The following CTNND2 variants were observed in gnomAD, a reference collection of about 807,000 sequenced individuals.
The protein encoded by CTNND2 is catenin delta-2.
Under a neutral mutation model 144.4 loss-of-function variants are expected in CTNND2, and 22 were observed. The observed-to-expected ratio is 0.15, with a 90% CI of 0.11 to 0.22. The LOEUF (loss-of-function observed/expected upper bound fraction) is 0.22. Ranked by LOEUF, CTNND2 falls within the 10% of genes least tolerant of loss-of-function variation. The pLI is 1.00. For synonymous variants in CTNND2, 751 were observed against 695.6 expected, an observed-to-expected ratio of 1.08 and a Z score of -1.25; for missense variants, 1,353 against 1,618.8, an observed-to-expected ratio of 0.84 and a Z score of 2.82.
At position 11,366,131 on chromosome 5, in the gene CTNND2, C is replaced by T. The variant is rs61750660; in HGVS notation, c.1178-1241G>A. ...TCCATTTTGCCTTCCTCAAGGACCA[C>T]TTCAAAGCCAAAGTCTTCAAATGCT... On this transcript the variant is annotated intron_variant, in intron 7 of 21. Transcript: ENST00000304623. 4.4e-3 allele frequency among the ~76,000 whole-genome samples: 671 copies of T among 152,236 alleles called. 6 individuals carry two copies. Among genetic ancestry groups the T allele is most frequent in the African/African-American group, 0.015 (638 of 41,534 alleles).
intron 2 of CTNND2, among the ~76,000 whole-genome samples, chr5:11,605,874 A>C (rs1780017850): frequency 6.6e-6 from 1 of 152,194 alleles, no homozygotes; most frequent in Admixed American, 6.5e-5. Flanking sequence ...TTACTCAGTC[A>C]AACATTCACT....
chr5:11,880,304 G>T lies in CTNND2; in HGVS notation c.37+23513C>A, dbSNP rs111654576. 1.9e-3 allele frequency among the ~76,000 whole-genome samples: 287 copies of T among 152,078 alleles called. 2 individuals are homozygous for T. The highest frequency in any genetic ancestry group is 6.2e-3 in the African/African-American group (256 of 41,484). On this transcript the variant is annotated intron_variant, in intron 1 of 21. Coordinates refer to ENST00000304623, the MANE Select transcript of CTNND2 (RefSeq NM_001332.4). ...TATGTGAAATATTCCATAATAAACG[G>T]AAAACAAAAGTTCTGTAAGAGTTCA...
intron 9 of CTNND2, among the ~76,000 whole-genome samples, chr5:11,306,379 A>T (rs942924587): frequency 6.6e-6 from 1 of 152,228 alleles, no homozygotes; most frequent in African/African-American, 2.4e-5. Context: ...TCTTTGCAAC[A>T]AATTAAAAGT....
intron 2 of CTNND2, among the ~76,000 whole-genome samples, chr5:11,632,539 G>T (rs922299617): frequency 6.6e-6 from 1 of 152,146 alleles, no homozygotes. Flanking sequence ...TATCTAAAAT[G>T]TGCAGCTTTC....
At chr5:11,512,162 C>T (rs1037630627) in intron 3 of CTNND2, among the ~76,000 whole-genome samples, 2 of 152,172 alleles carry the variant, frequency 1.3e-5, no homozygotes, top group African/African-American at 4.8e-5. Context: ...AAGAACAACA[C>T]AGTGTTTGCT....
At chr5:11,548,448 T>C (rs1411467804) in intron 3 of CTNND2, among the ~76,000 whole-genome samples, 5 of 152,252 alleles carry the variant, frequency 3.3e-5, no homozygotes, top group African/African-American at 1.2e-4. Flanking sequence ...TGCTACTATC[T>C]TAAAATATAA....
intron 12 of CTNND2, among the ~76,000 whole-genome samples, chr5:11,134,938 C>T (rs28483369): frequency 0.021 from 3,133 of 152,262 alleles, 102 homozygotes; most frequent in African/African-American, 0.072. Flanking sequence ...CTTTGAGGAG[C>T]CACAGAGCAT....
At chr5:11,892,389 A>G (rs1380838783) in intron 1 of CTNND2, among the ~76,000 whole-genome samples, 3 of 152,248 alleles carry the variant, frequency 2.0e-5, no homozygotes, top group Non-Finnish European at 4.4e-5. Context: ...CTATGCTGAC[A>G]GTAAACATGA....
intron 2 of CTNND2, among the ~76,000 whole-genome samples, chr5:11,640,637 A>G (rs1052098292): frequency 6.6e-6 from 1 of 152,214 alleles, no homozygotes; most frequent in Non-Finnish European, 1.5e-5. Context: ...TAGCAGCATC[A>G]AGGGAAGGCC....
intron 16 of CTNND2, among the ~76,000 whole-genome samples, chr5:11,056,929 C>T (rs1010308797): frequency 5.3e-5 from 8 of 152,312 alleles, no homozygotes; most frequent in South Asian, 2.1e-4. Flanking sequence ...CTGGTCAGGG[C>T]CAGTGTCACT....
chr5:11,489,340 C>A (rs756682051), intron 3 of CTNND2, among the ~76,000 whole-genome samples: 3 of 152,180 alleles, frequency 2.0e-5, no homozygotes, highest in Non-Finnish European at 2.9e-5. Flanking sequence ...CTTATACCCT[C>A]TGAGATTCAG....
chr5:11,766,018 A>G (rs796404792), intron 1 of CTNND2, among the ~76,000 whole-genome samples: 6 of 152,310 alleles, frequency 3.9e-5, no homozygotes, highest in African/African-American at 1.4e-4. Flanking sequence ...GTAATGTTCA[A>G]TTTTGGGAAA....
At chr5:11,461,005 T>C (rs1459422852) in intron 3 of CTNND2, among the ~76,000 whole-genome samples, 3 of 151,826 alleles carry the variant, frequency 2.0e-5, no homozygotes, top group Non-Finnish European at 4.4e-5. Flanking sequence ...GCCGAGATCA[T>C]GCCACTGCAT....
intron 1 of CTNND2, among the ~76,000 whole-genome samples, chr5:11,804,293 A>C (rs553949042): frequency 9.8e-5 from 15 of 152,324 alleles, no homozygotes; most frequent in Admixed American, 9.2e-4. Context: ...ACTGTTTGGC[A>C]GCTGCTTTAG....
chr5:11,359,495 G>A (rs370063361), intron 8 of CTNND2, among the ~76,000 whole-genome samples: 1 of 152,126 alleles, frequency 6.6e-6, no homozygotes, highest in Non-Finnish European at 1.5e-5. Context: ...CTCTCCGGGA[G>A]CTCTGTTGAC....
chr5:11,886,778 C>T (rs974898702), intron 1 of CTNND2, among the ~76,000 whole-genome samples: 1 of 152,036 alleles, frequency 6.6e-6, no homozygotes, highest in Non-Finnish European at 1.5e-5. Context: ...AGTAATTACA[C>T]ATTTTTGGCC....
At chr5:11,780,790 G>A (rs1366096905) in intron 1 of CTNND2, among the ~76,000 whole-genome samples, 2 of 152,152 alleles carry the variant, frequency 1.3e-5, no homozygotes, top group African/African-American at 2.4e-5. Context: ...CTTAAAATAG[G>A]TGATGCTTTT....
intron 16 of CTNND2, among the ~76,000 whole-genome samples, chr5:11,032,404 A>ACTATAAATATATCT (rs1743575409): frequency 6.6e-6 from 1 of 152,238 alleles, no homozygotes; most frequent in African/African-American, 2.4e-5. Context: ...TCATTTGCAC[A>ACTATAAATATATCT]CTATAAATAT....
Position 11,323,452 on chromosome 5 carries a change from T to A in CTNND2, c.1628+22920A>T, listed in dbSNP as rs566754628. On this transcript the variant is annotated intron_variant, in intron 9 of 21. Coordinates refer to ENST00000304623, the MANE Select transcript of CTNND2 (RefSeq NM_001332.4). ...GATGATGAACTAAGTTGGGACACAG[T>A]GAGGAGCAGGCAACTGAGCAAGTCA... Among the ~76,000 whole-genome samples the A allele has an allele frequency of 3.9e-5, 6 of 152,176 alleles. No individual in the cohort carries two copies. In the East Asian group the frequency reaches 1.2e-3, roughly 29 times the overall value.
Sources: gnomAD v4.1 joint callset for allele counts (sites outside exome capture counted in the v4.1 genomes callset) on GRCh38, gnomAD v4.1.1 for gene constraint, MANE v1.5 for transcripts, NCBI Gene and HGNC (gene_info 2026-07-23, HGNC 2026-07-21) for gene names.